TENM3: variants seen among roughly 807,000 people sequenced by gnomAD.
TENM3 encodes teneurin-3.
Under a neutral mutation model 255.1 loss-of-function variants are expected in TENM3, and 63 were observed. The ratio of observed to expected loss-of-function variants is 0.25; its 90% CI spans 0.20 to 0.30. The LOEUF is 0.30. TENM3 is among the 10% of genes least tolerant of loss of function. The probability of loss-of-function intolerance (pLI) is 1.00; values close to 1 mark genes in which losing one functional copy is unlikely to be tolerated. For synonymous variants in TENM3, 1,306 were observed against 1,322.3 expected (o/e 0.99, Z 0.27); for missense variants, 2,929 against 3,461.1 (o/e 0.85, Z 3.86).
chr4:182,601,372 C>T (rs898686611), intron 4 of TENM3, among the ~76,000 whole-genome samples: 2 of 152,042 alleles, frequency 1.3e-5, no homozygotes, highest in Non-Finnish European at 2.9e-5. Flanking sequence ...TTGTTGCCTA[C>T]AAGAGATGAG....
chr4:182,330,785 G>A (rs1168478150), intron 2 of TENM3, among the ~76,000 whole-genome samples: 2 of 152,198 alleles, frequency 1.3e-5, no homozygotes, highest in African/African-American at 4.8e-5. Context: ...AATCTCAAAC[G>A]ATGATTACAG....
intron 3 of TENM3, among the ~76,000 whole-genome samples, chr4:182,423,922 A>G (rs192652141): frequency 5.5e-4 from 84 of 152,304 alleles, no homozygotes; most frequent in Admixed American, 4.6e-3. Context: ...GTACTTAATG[A>G]AAAAAAGAAA....
intron 1 of TENM3, among the ~76,000 whole-genome samples, chr4:182,261,233 C>A (rs1438310447): frequency 1.3e-5 from 2 of 152,192 alleles, no homozygotes; most frequent in African/African-American, 4.8e-5. Flanking sequence ...TTAGCATGCA[C>A]TGAAGTTCGA....
the TENM3 span, among the ~76,000 whole-genome samples, chr4:181,698,324 T>A: frequency 6.6e-6 from 1 of 152,120 alleles, no homozygotes; most frequent in Non-Finnish European, 1.5e-5. Context: ...CAAAAGACTA[T>A]TAACATCTGA....
intron 22 of TENM3, among the ~76,000 whole-genome samples, chr4:182,763,292 G>A (rs1386533752): frequency 6.6e-6 from 1 of 152,216 alleles, no homozygotes; most frequent in Non-Finnish European, 1.5e-5. Context: ...GGCGGGCGCG[G>A]TGGCTCACAC....
At chr4:182,312,977 T>A (rs1429901427) in intron 1 of TENM3, among the ~76,000 whole-genome samples, 1 of 152,244 alleles carries the variant, frequency 6.6e-6, no homozygotes, top group Non-Finnish European at 1.5e-5. Context: ...TATTAAATTT[T>A]CTTTCCATAA....
At chr4:181,860,807 C>G in the TENM3 span, among the ~76,000 whole-genome samples, 2 of 152,118 alleles carry the variant, frequency 1.3e-5, no homozygotes, top group African/African-American at 2.4e-5. Context: ...TTTTTAACAT[C>G]ATATGGAGTC....
chr4:182,117,829 A>AT, the TENM3 span, among the ~76,000 whole-genome samples: 50 of 152,270 alleles, frequency 3.3e-4, 1 homozygote, highest in East Asian at 3.7e-3. Context: ...GCACAAAAAA[A>AT]CTTACTAAGA....
chr4:182,048,373 G>A, the TENM3 span, among the ~76,000 whole-genome samples: 6 of 152,062 alleles, frequency 3.9e-5, no homozygotes, highest in Admixed American at 3.9e-4. Flanking sequence ...GTTTTCCTAA[G>A]AATAACACCT....
the TENM3 span, among the ~76,000 whole-genome samples, chr4:181,675,399 TA>T: frequency 6.6e-6 from 1 of 152,142 alleles, no homozygotes; most frequent in African/African-American, 2.4e-5. Flanking sequence ...GCAATATACC[TA>T]AAAATATTTT....
At chr4:181,468,192 T>TTAG in the TENM3 span, among the ~76,000 whole-genome samples, 1 of 151,510 alleles carries the variant, frequency 6.6e-6, no homozygotes, top group African/African-American at 2.4e-5. Flanking sequence ...CTCAGGAGGC[T>TTAG]TAGCCTGGGA....
chr4:182,457,186 CA>C (rs34395020), intron 3 of TENM3, among the ~76,000 whole-genome samples: 421 of 96,978 alleles, frequency 4.3e-3, no homozygotes, highest in Admixed American at 6.4e-3. Flanking sequence ...CTCTGTCTCT[CA>C]AAAAAAAAAA....
chr4:182,462,572 G>A (rs1199234948), intron 3 of TENM3, among the ~76,000 whole-genome samples: 2 of 151,780 alleles, frequency 1.3e-5, no homozygotes, highest in Non-Finnish European at 2.9e-5. Flanking sequence ...TTTAGTTCAA[G>A]TTCTTATGGC....
Position 182,736,835 on chromosome 4 carries a change from G to A in TENM3, c.2995G>A (p.Gly999Arg). 1 of 1,613,424 alleles carries A rather than the reference G, an allele frequency of 6.2e-7. No individual in the cohort carries two copies. The highest frequency in any genetic ancestry group is 1.3e-5 in the African/African-American group (1 of 74,948). Residue 999 changes from glycine (G) to arginine (R), a missense_variant, in exon 17 of 28, where the codon GGA becomes AGA. Gly to Arg is a moderately radical substitution (Grantham distance 125). Transcript: ENST00000511685. Reference sequence around the variant, plus strand: ...ACTCCACGAGGAAACTACAATTCCAGGAACAGATTTGAAACTCTCCTACTT... The same window carrying A: ...ACTCCACGAGGAAACTACAATTCCAAGAACAGATTTGAAACTCTCCTACTT... ...QVLHEETTIPGTDLKLSYLSS... is the reference protein window; with the variant it reads ...QVLHEETTIPRTDLKLSYLSS...
chr4:182,418,367 A>G lies in TENM3; in HGVS notation c.511+71438A>G, dbSNP rs547525533. On this transcript the variant is annotated intron_variant, in intron 3 of 27. Coordinates refer to ENST00000511685, the MANE Select transcript of TENM3 (RefSeq NM_001080477.4). Reference sequence around the variant, plus strand: ...GTAAGCATCGTTTATTTAACCACGGAATTCGTAATGTCCTTTGCTTATTTA... The same window carrying G: ...GTAAGCATCGTTTATTTAACCACGGGATTCGTAATGTCCTTTGCTTATTTA... Among the ~76,000 whole-genome samples, 7 of 152,262 alleles carry G rather than the reference A, an allele frequency of 4.6e-5. No homozygotes were observed. The East Asian group carries it at 9.7e-4, about 21-fold the overall frequency.
chr4:182,409,344 T>C (rs1333542812), intron 3 of TENM3, among the ~76,000 whole-genome samples: 1 of 152,216 alleles, frequency 6.6e-6, no homozygotes, highest in African/African-American at 2.4e-5. Context: ...ACAACTTCTA[T>C]TAGAAAATGT....
At chr4:182,514,814 G>A (rs550381587) in intron 3 of TENM3, among the ~76,000 whole-genome samples, 8 of 152,048 alleles carry the variant, frequency 5.3e-5, no homozygotes, top group African/African-American at 1.9e-4. Context: ...TTAAGCTATG[G>A]GATATTTTCT....
the TENM3 span, among the ~76,000 whole-genome samples, chr4:181,736,958 G>A: frequency 1.3e-5 from 2 of 152,066 alleles, no homozygotes. Flanking sequence ...TCACTTCCTG[G>A]GGTGGTGAGA....
chr4:181,476,216 T>TTTTG, the TENM3 span, among the ~76,000 whole-genome samples: 16,848 of 151,198 alleles, frequency 0.11, 1,149 homozygotes, highest in East Asian at 0.19. Context: ...GTTTTTTTTT[T>TTTTG]TTTTTTTTGA....
Sources: allele counts gnomAD v4.1 joint callset (sites outside exome capture counted in the v4.1 genomes callset), GRCh38; gene constraint gnomAD v4.1.1; transcripts MANE v1.5; gene names NCBI Gene and HGNC (gene_info 2026-07-23, HGNC 2026-07-21).